RASSF2: variants seen among roughly 807,000 people sequenced by gnomAD.
RASSF2 encodes the protein ras association domain-containing protein 2.
In RASSF2, 34 loss-of-function variants were observed where a neutral mutation model predicts 46.3. That is an observed-to-expected ratio of 0.73 (90% CI 0.56 to 0.98). The LOEUF (loss-of-function observed/expected upper bound fraction) is 0.98, where lower values mean the gene tolerates loss of function less well. Among genes scored for constraint, RASSF2 ranks in the 50% least tolerant of loss-of-function variants. RASSF2 has a pLI of 0.00. For missense variants in RASSF2, 364 were observed against 431.2 expected, an observed-to-expected ratio of 0.84 and a Z score of 1.38; for synonymous variants, 158 against 162.5, an observed-to-expected ratio of 0.97 and a Z score of 0.21.
At chr20:4,796,034 G>T in intron 4 of RASSF2, 68 bp from the exon 5 acceptor site, 1 of 1,429,144 alleles carries the variant, frequency 7.0e-7, no homozygotes, top group South Asian at 1.5e-5. Context: ...CATGCTGAGG[G>T]ACAAATGACA....
intron 2 of RASSF2, among the ~76,000 whole-genome samples, chr20:4,817,939 A>G (rs1222625992): frequency 6.6e-6 from 1 of 152,210 alleles, no homozygotes; most frequent in African/African-American, 2.4e-5. Flanking sequence ...GGAGATGGGG[A>G]AACTGAGAAC....
At chr20:4,818,696 G>T (rs1928493674) in intron 2 of RASSF2, among the ~76,000 whole-genome samples, 1 of 152,176 alleles carries the variant, frequency 6.6e-6, no homozygotes, top group Non-Finnish European at 1.5e-5. Context: ...CACAACCTAG[G>T]AATACAAACC....
rs1468499113 is a variant in RASSF2, at chr20:4,780,318, G to T, written c.*3955C>A. 1 of 152,180 alleles carries T rather than the reference G, an allele frequency of 6.6e-6. No individual in the cohort carries two copies. Among genetic ancestry groups the T allele is most frequent in the Non-Finnish European group, 1.5e-5 (1 of 68,030 alleles). The allele number at this position is 152,180 out of a possible 1,614,324, so 9.4% of individuals were successfully genotyped here. A position where few individuals can be genotyped will look rare whatever the true frequency, so the allele number is the denominator to read the frequency against. The stretch of plus-strand genomic sequence containing the variant: ...CCTGGAAACAGGTCTGCGATCTGCA[G>T]GGAAGACTCCAAAGGTAAACTGAGG... On this transcript the variant is annotated 3_prime_UTR_variant, in exon 12 of 12. Coordinates refer to ENST00000379400, the MANE Select transcript of RASSF2 (RefSeq NM_014737.3).
chr20:4,797,169 C>CT (rs1926421339), intron 4 of RASSF2, among the ~76,000 whole-genome samples: 1 of 152,148 alleles, frequency 6.6e-6, no homozygotes, highest in Non-Finnish European at 1.5e-5. Context: ...GGCATCATTC[C>CT]TTTACACAAT....
rs1927867990 is a variant in RASSF2 at position 4,812,073 on chromosome 20, T to C, written c.-33+10256A>G. ...TGGCAAACAGGAAACCCCAGCCCCA[T>C]TGCACCACACGAGGAAGGAGACTTG... On this transcript the variant is annotated intron_variant, in intron 2 of 11. Transcript: ENST00000379400. This position sits in a 1 kb window ranked among gnomAD's most constrained non-coding sequence, Gnocchi z 4.0. 6.6e-6 allele frequency among the ~76,000 whole-genome samples: 1 copy of C among 152,060 alleles called. No homozygotes were observed. The highest frequency in any genetic ancestry group is 2.4e-5 in the African/African-American group (1 of 41,422).
intron 9 of RASSF2, 80 bp from the exon 10 acceptor site, chr20:4,787,834 A>ATCTCCTAAGGTG: frequency 6.4e-7 from 1 of 1,574,666 alleles, no homozygotes; most frequent in Non-Finnish European, 8.7e-7. Flanking sequence ...GTCCAAAGGC[A>ATCTCCTAAGGTG]CCTTAGGAGA....
At chr20:4,814,195 T>C (rs1213376418) in intron 2 of RASSF2, among the ~76,000 whole-genome samples, 1 of 152,164 alleles carries the variant, frequency 6.6e-6, no homozygotes, top group Admixed American at 6.5e-5. Context: ...AGGGAGGGCC[T>C]GAGGCCTGTG....
At chr20:4,784,388 C>G (rs41279440) in intron 11 of RASSF2, 46 bp from the exon 12 acceptor site, 3 of 1,581,408 alleles carry the variant, frequency 1.9e-6, no homozygotes, top group Non-Finnish European at 2.6e-6. Flanking sequence ...CAGCAACACA[C>G]CCCTGCCCAG....
intron 2 of RASSF2, among the ~76,000 whole-genome samples, chr20:4,802,699 G>A (rs1926979973): frequency 6.6e-6 from 1 of 151,992 alleles, no homozygotes; most frequent in African/African-American, 2.4e-5. Flanking sequence ...AAGGGGAAAT[G>A]GAGAGTTTCT....
At chr20:4,787,158 C>T (rs1285899796) in intron 10 of RASSF2, among the ~76,000 whole-genome samples, 2 of 152,182 alleles carry the variant, frequency 1.3e-5, no homozygotes, top group African/African-American at 4.8e-5. Flanking sequence ...TTTCTCTACC[C>T]TATTAATGCT....
At chr20:4,797,404 C>CTTTAT (rs1926436286) in intron 4 of RASSF2, among the ~76,000 whole-genome samples, 1 of 152,130 alleles carries the variant, frequency 6.6e-6, no homozygotes, top group Non-Finnish European at 1.5e-5. Context: ...CAGTCACAGG[C>CTTTAT]GCTTGAGTAT....
chr20:4,811,146 A>C (rs931067302), intron 2 of RASSF2, among the ~76,000 whole-genome samples: 2 of 114,976 alleles, frequency 1.7e-5, no homozygotes, highest in Non-Finnish European at 4.0e-5. Context: ...CAGGAGTTCA[A>C]GATCAACCTG....
intron 1 of RASSF2, among the ~76,000 whole-genome samples, chr20:4,823,079 G>T (rs1928824973): frequency 2.0e-5 from 3 of 152,194 alleles, no homozygotes; most frequent in Admixed American, 1.3e-4. Context: ...GCGCCTACAC[G>T]GCCCCTGGCG....
At chr20:4,806,934 T>A (rs1927381373) in intron 2 of RASSF2, among the ~76,000 whole-genome samples, 1 of 152,244 alleles carries the variant, frequency 6.6e-6, no homozygotes, top group Non-Finnish European at 1.5e-5. Context: ...GTAATTTAGT[T>A]CTGCATCTGT....
intron 6 of RASSF2, among the ~76,000 whole-genome samples, chr20:4,791,784 C>T (rs951172291): frequency 6.6e-6 from 1 of 152,154 alleles, no homozygotes; most frequent in South Asian, 2.1e-4. Flanking sequence ...AAATGTCTAC[C>T]AGTAGGGAGT....
Position 4,823,164 on chromosome 20 carries a change from C to A in RASSF2, c.-108+393G>T, listed in dbSNP as rs541396951. Reference sequence around the variant, plus strand: ...CAAGAGACAGGCGAGGATTACGGGGCTGACCCAGCCGGGGTAGGGACCATC... The same window carrying A: ...CAAGAGACAGGCGAGGATTACGGGGATGACCCAGCCGGGGTAGGGACCATC... On this transcript the variant is annotated intron_variant, in intron 1 of 11. Transcript: ENST00000379400. Among the ~76,000 whole-genome samples the A allele has an allele frequency of 1.2e-4, 19 of 152,288 alleles. No homozygotes were observed. In the East Asian group the frequency reaches 3.7e-3, roughly 30 times the overall value.
intron 5 of RASSF2, chr20:4,792,889 T>A: frequency 1.8e-6 from 1 of 567,028 alleles, no homozygotes; most frequent in Non-Finnish European, 2.9e-6. Context: ...GCAACTGCAG[T>A]AACACACCCA....
intron 4 of RASSF2, among the ~76,000 whole-genome samples, chr20:4,797,143 TC>T (rs1926419376): frequency 6.6e-6 from 1 of 152,116 alleles, no homozygotes; most frequent in Admixed American, 6.6e-5. Context: ...TACATGGCCT[TC>T]CCCTGGTCAA....
chr20:4,785,371 A>C (rs1925235713), intron 11 of RASSF2, among the ~76,000 whole-genome samples: 1 of 152,016 alleles, frequency 6.6e-6, no homozygotes, highest in African/African-American at 2.4e-5. Context: ...ACAACAACAA[A>C]AACTTTAGGA....
Sources: allele counts gnomAD v4.1 joint callset (sites outside exome capture counted in the v4.1 genomes callset), GRCh38; gene constraint gnomAD v4.1.1; non-coding constraint Gnocchi (gnomAD v3.1); transcripts MANE v1.5; gene names NCBI Gene and HGNC (gene_info 2026-07-23, HGNC 2026-07-21).